Variants in ASXL2 observed in about 807,000 individuals in gnomAD.
The protein encoded by ASXL2 is putative Polycomb group protein ASXL2.
A neutral mutation model predicts 122.0 loss-of-function variants in ASXL2; 23 were observed. The observed-to-expected ratio is 0.19, with a 90% CI of 0.14 to 0.27. The LOEUF (loss-of-function observed/expected upper bound fraction) is 0.27, where lower values mean the gene tolerates loss of function less well. Among genes scored for constraint, ASXL2 ranks in the 10% least tolerant of loss-of-function variants. The pLI is 1.00. For synonymous variants in ASXL2, 650 were observed against 637.0 expected (o/e 1.02, Z -0.31); for missense variants, 1,518 against 1,713.8 (o/e 0.89, Z 2.02).
intron 1 of ASXL2, among the ~76,000 whole-genome samples, chr2:25,846,429 CTT>C (rs1377012652): frequency 2.6e-5 from 4 of 152,212 alleles, no homozygotes; most frequent in Admixed American, 6.5e-5. Context: ...ACAGATGACT[CTT>C]GAGGTCAGGA....
chr2:25,810,172 G>A, intron 3 of ASXL2: 1 of 572,662 alleles, frequency 1.7e-6, no homozygotes, highest in South Asian at 1.4e-5. Context: ...TTCAGGTTAT[G>A]GTCCATCAGT....
chr2:25,839,998 T>C (rs542410980), intron 2 of ASXL2, among the ~76,000 whole-genome samples: 1 of 152,018 alleles, frequency 6.6e-6, no homozygotes, highest in East Asian at 1.9e-4. Flanking sequence ...CCCAAAGTGT[T>C]GCGGTTACAG....
intron 1 of ASXL2, 114 bp from the exon 2 acceptor site, chr2:25,845,677 T>C (rs1005516952): frequency 1.1e-5 from 4 of 365,426 alleles, no homozygotes; most frequent in Middle Eastern, 8.8e-4. Context: ...AATTATTCAC[T>C]ACTAATACAT....
chr2:25,786,399 C>A (rs977755558), intron 5 of ASXL2, among the ~76,000 whole-genome samples: 1 of 152,008 alleles, frequency 6.6e-6, no homozygotes, highest in Admixed American at 6.5e-5. Flanking sequence ...TGCCACCACG[C>A]CCGGCTAATT....
intron 10 of ASXL2, 40 bp downstream of exon 10, chr2:25,755,978 G>T (rs1230347593): frequency 6.7e-7 from 1 of 1,491,108 alleles, no homozygotes. Flanking sequence ...TGCTCTGAGT[G>T]CACACACCAC....
intron 5 of ASXL2, among the ~76,000 whole-genome samples, chr2:25,785,782 A>G (rs1170831940): frequency 6.6e-6 from 1 of 152,172 alleles, no homozygotes; most frequent in Non-Finnish European, 1.5e-5. Context: ...TCATAACCTT[A>G]GGTGATCCAC....
intron 3 of ASXL2, among the ~76,000 whole-genome samples, chr2:25,831,630 G>A (rs1211126240): frequency 1.3e-5 from 2 of 151,842 alleles, no homozygotes; most frequent in Non-Finnish European, 2.9e-5. Flanking sequence ...CTCCAGCCTG[G>A]GCAACAAAAT....
At chr2:25,861,220 T>C (rs1022811950) in intron 1 of ASXL2, among the ~76,000 whole-genome samples, 2 of 152,132 alleles carry the variant, frequency 1.3e-5, no homozygotes, top group African/African-American at 4.8e-5. Flanking sequence ...AATAAGCCTC[T>C]AGCCAGGCTA....
intron 1 of ASXL2, among the ~76,000 whole-genome samples, chr2:25,872,336 C>G (rs1288957505): frequency 6.6e-6 from 1 of 151,904 alleles, no homozygotes; most frequent in Non-Finnish European, 1.5e-5. Flanking sequence ...GAGCTAAGAT[C>G]GCACCACCGC....
chr2:25,792,495 A>C (rs2088850037), intron 5 of ASXL2, among the ~76,000 whole-genome samples: 2 of 152,280 alleles, frequency 1.3e-5, no homozygotes, highest in Admixed American at 1.3e-4. Context: ...TAGAAATAAA[A>C]GATTAACAAA....
chr2:25,822,704 A>T (rs1024290156), intron 3 of ASXL2: 2 of 718,014 alleles, frequency 2.8e-6, no homozygotes, highest in Admixed American at 3.7e-5. Context: ...GTTTACGAAA[A>T]GGAGAATCTG....
intron 6 of ASXL2, among the ~76,000 whole-genome samples, chr2:25,770,811 T>A (rs2088435922): frequency 6.6e-6 from 1 of 152,196 alleles, no homozygotes; most frequent in Non-Finnish European, 1.5e-5. Context: ...TATGTGATCA[T>A]CTCAATAAAT....
intron 6 of ASXL2, among the ~76,000 whole-genome samples, chr2:25,770,814 C>T (rs1363332814): frequency 6.6e-6 from 1 of 152,194 alleles, no homozygotes; most frequent in African/African-American, 2.4e-5. Context: ...GTGATCATCT[C>T]AATAAATCCC....
intron 3 of ASXL2, among the ~76,000 whole-genome samples, chr2:25,816,566 G>A (rs1199443238): frequency 6.6e-6 from 1 of 152,106 alleles, no homozygotes; most frequent in Admixed American, 6.5e-5. Flanking sequence ...ACAATCCACA[G>A]CCTACAACAA....
intron 5 of ASXL2, among the ~76,000 whole-genome samples, chr2:25,779,091 T>TA (rs2088591990): frequency 7.0e-6 from 1 of 142,068 alleles, no homozygotes; most frequent in South Asian, 2.4e-4. Flanking sequence ...CTGATTTTTT[T>TA]TTTTTTTTTT....
rs2087776640 is a variant in ASXL2, at chr2:25,738,668, GAGAA to G, written c.*3357_*3360del. 6.6e-6 allele frequency: 1 copy of G among 152,152 alleles called. No individual in the cohort carries two copies. The highest frequency in any genetic ancestry group is 1.5e-5 in the Non-Finnish European group (1 of 68,032). The allele number at this position is 152,152 out of a possible 1,614,324, so 9.4% of individuals were successfully genotyped here. On this transcript the variant is annotated 3_prime_UTR_variant, in exon 13 of 13. Coordinates refer to ENST00000435504, the MANE Select transcript of ASXL2 (RefSeq NM_018263.6). Reference sequence around the variant, plus strand: ...GAGTTATTTATGGCTCTCTAAGGTGGAGAAAGGCAATAATAAACAACAGAATGTT... The same window carrying G: ...GAGTTATTTATGGCTCTCTAAGGTGGAGGCAATAATAAACAACAGAATGTT...
Position 25,743,356 on chromosome 2 carries a change from A to G in ASXL2, c.2981T>C (p.Ile994Thr). Reference protein sequence around the residue: ...AKEERGMGALIATNTTENSTR... With the variant: ...AKEERGMGALTATNTTENSTR... Reference sequence around the variant, plus strand: ...GCTATTTTCTGTTGTGTTGGTAGCTATGAGCGCTCCCATCCCCCTTTCCTC... The same window carrying G: ...GCTATTTTCTGTTGTGTTGGTAGCTGTGAGCGCTCCCATCCCCCTTTCCTC... The change falls in exon 13 of 13, where the codon ATA becomes ACA. Residue 994 changes from isoleucine to threonine, a missense_variant. This residue lies in a region of ASXL2 where 831 missense variants were observed against 833.1 expected (regional missense o/e 1.00). Transcript: ENST00000435504. The G allele has an allele frequency of 1.9e-6, 3 of 1,613,884 alleles. No homozygotes were observed. The highest frequency in any genetic ancestry group is 2.2e-5 in the South Asian group (2 of 91,076).
In ASXL2 at chr2:25,793,561, T is replaced by G. The variant is rs181763970; in HGVS notation, c.403+5824A>C. Among the ~76,000 whole-genome samples the G allele has an allele frequency of 9.8e-5, 15 of 152,310 alleles. No individual in the cohort carries two copies. In the East Asian group the frequency reaches 2.7e-3, roughly 27 times the overall value. On this transcript the variant is annotated intron_variant, in intron 5 of 12. Transcript: ENST00000435504. ...GCCCCTATGAAGTATTAGGGAGAGA[T>G]CAGACACTGAAGGATTGGTAACAAA...
intron 6 of ASXL2, among the ~76,000 whole-genome samples, chr2:25,770,895 T>C: frequency 6.6e-6 from 1 of 151,844 alleles, no homozygotes; most frequent in East Asian, 1.9e-4. Context: ...AAACAAAAGA[T>C]TCTGAGCAAA....
Sources: allele counts gnomAD v4.1 joint callset (sites outside exome capture counted in the v4.1 genomes callset), GRCh38; gene constraint gnomAD v4.1.1; regional missense constraint gnomAD v4.1.1; transcripts MANE v1.5; gene names NCBI Gene and HGNC (gene_info 2026-07-23, HGNC 2026-07-21).